The following ERC2 variants were observed in gnomAD, a reference collection of about 807,000 sequenced individuals.
ERC2 encodes ELKS/RAB6-interacting/CAST family member 2.
A neutral mutation model predicts 114.8 loss-of-function variants in ERC2; 42 were observed. The ratio of observed to expected loss-of-function variants is 0.37; its 90% CI spans 0.29 to 0.47. The LOEUF (loss-of-function observed/expected upper bound fraction) is 0.47. Among genes scored for constraint, ERC2 ranks in the 20% least tolerant of loss-of-function variants. ERC2 has a pLI of 0.99. For missense variants in ERC2, 939 were observed against 1,150.7 expected, an observed-to-expected ratio of 0.82 and a Z score of 2.66; for synonymous variants, 454 against 425.5, an observed-to-expected ratio of 1.07 and a Z score of -0.82.
At chr3:55,610,059 AC>A (rs2148560692) in intron 17 of ERC2, among the ~76,000 whole-genome samples, 1 of 84,834 alleles carries the variant, frequency 1.2e-5, no homozygotes, top group Non-Finnish European at 2.3e-5. Flanking sequence ...ACAAACAAAC[AC>A]AAACAAAAAA....
intron 3 of ERC2, among the ~76,000 whole-genome samples, chr3:56,229,987 T>C (rs1360727352): frequency 7.0e-6 from 1 of 143,422 alleles, no homozygotes; most frequent in Non-Finnish European, 1.5e-5. Flanking sequence ...TGCCTCAGCC[T>C]CCTGATTAGC....
chr3:56,078,127 G>C (rs1290110612), intron 7 of ERC2, among the ~76,000 whole-genome samples: 2 of 152,038 alleles, frequency 1.3e-5, no homozygotes, highest in Non-Finnish European at 2.9e-5. Context: ...TTGATTCAAG[G>C]GTCCTTAGTA....
chr3:55,566,954 G>C (rs907747242), intron 17 of ERC2, among the ~76,000 whole-genome samples: 1 of 152,198 alleles, frequency 6.6e-6, no homozygotes, highest in East Asian at 1.9e-4. Flanking sequence ...GCCTGCCTTG[G>C]CCTCCCAAAG....
At chr3:56,348,154 CT>C (rs1317139143) in intron 2 of ERC2, among the ~76,000 whole-genome samples, 1 of 152,208 alleles carries the variant, frequency 6.6e-6, no homozygotes, top group Non-Finnish European at 1.5e-5. Flanking sequence ...TCCTTCCCTT[CT>C]GTCTTGCTTC....
rs113864845 is a variant in ERC2 at position 56,182,210 on chromosome 3, GA to G, written c.1075-8691del. ...TTGTGTACTTTTCCTCCATGTCACT[GA>G]ACATGGCCACAATTTTACACTAATT... On this transcript the variant is annotated intron_variant, in intron 3 of 17. Coordinates refer to ENST00000288221, the MANE Select transcript of ERC2 (RefSeq NM_015576.3). Among the ~76,000 whole-genome samples the G allele has an allele frequency of 5.3e-3, 812 of 152,200 alleles. 6 individuals are homozygous for G. The highest frequency in any genetic ancestry group is 0.019 in the African/African-American group (780 of 41,526).
At chr3:55,753,536 T>C (rs1234763588) in intron 14 of ERC2, among the ~76,000 whole-genome samples, 1 of 152,174 alleles carries the variant, frequency 6.6e-6, no homozygotes, top group Non-Finnish European at 1.5e-5. Context: ...GATGGTGCAA[T>C]TGGATTCATT....
chr3:56,032,877 AAGAAAGAAAGAGAGAGAGAGAGAC>A (rs2074455942), intron 7 of ERC2, among the ~76,000 whole-genome samples: 11 of 120,688 alleles, frequency 9.1e-5, no homozygotes, highest in Non-Finnish European at 1.5e-4. Context: ...GAAAGAAAGA[AAGAAAGAAAGAGAGAGAGAGAGAC>A]AGAAAGAAAG....
intron 3 of ERC2, among the ~76,000 whole-genome samples, chr3:56,285,015 A>T (rs56402039): frequency 0.017 from 1,386 of 80,314 alleles, 25 homozygotes; most frequent in African/African-American, 0.046. Flanking sequence ...TCTCTCTCAC[A>T]CACACACACA....
intron 6 of ERC2, among the ~76,000 whole-genome samples, chr3:56,139,301 T>G (rs1361315251): frequency 6.6e-6 from 1 of 152,200 alleles, no homozygotes; most frequent in East Asian, 1.9e-4. Context: ...ATGTGTTTGT[T>G]TATGGGGTGT....
At chr3:55,746,684 G>A (rs1423903808) in intron 14 of ERC2, among the ~76,000 whole-genome samples, 3 of 152,258 alleles carry the variant, frequency 2.0e-5, no homozygotes, top group African/African-American at 7.2e-5. Context: ...ATGTCTGTGT[G>A]TGCTGCAGGT....
chr3:55,645,469 A>G (rs2060354797), intron 17 of ERC2, among the ~76,000 whole-genome samples: 1 of 152,190 alleles, frequency 6.6e-6, no homozygotes, highest in Admixed American at 6.5e-5. Flanking sequence ...TTTTTAATTG[A>G]TAACAAGTTA....
At chr3:55,738,228 T>C (rs572410144) in intron 14 of ERC2, among the ~76,000 whole-genome samples, 1 of 152,248 alleles carries the variant, frequency 6.6e-6, no homozygotes, top group East Asian at 1.9e-4. Context: ...TACAAATGTA[T>C]ATATATCCAA....
intron 2 of ERC2, among the ~76,000 whole-genome samples, chr3:56,318,665 A>T (rs1217425329): frequency 6.6e-6 from 1 of 152,096 alleles, no homozygotes; most frequent in East Asian, 1.9e-4. Flanking sequence ...TCTTCAAAAG[A>T]AAACATACAA....
At chr3:56,418,147 T>C (rs886545439) in intron 2 of ERC2, among the ~76,000 whole-genome samples, 4 of 151,708 alleles carry the variant, frequency 2.6e-5, no homozygotes, top group Non-Finnish European at 4.4e-5. Flanking sequence ...TTAATAAAAA[T>C]ATTAGGTGAG....
chr3:56,019,081 G>A, intron 7 of ERC2, 50 bp from the exon 8 acceptor site: 1 of 1,424,154 alleles, frequency 7.0e-7, no homozygotes, highest in Non-Finnish European at 9.5e-7. Context: ...CATATCCTAG[G>A]CCAAAATTCC....
At chr3:56,309,424 A>T (rs2056413029) in intron 2 of ERC2, among the ~76,000 whole-genome samples, 1 of 152,250 alleles carries the variant, frequency 6.6e-6, no homozygotes, top group Non-Finnish European at 1.5e-5. Flanking sequence ...ATTACAGACC[A>T]ATACTCTAAG....
intron 7 of ERC2, among the ~76,000 whole-genome samples, chr3:56,019,760 A>G (rs1266755279): frequency 6.6e-6 from 1 of 152,172 alleles, no homozygotes; most frequent in African/African-American, 2.4e-5. Flanking sequence ...AGCAGCAAGG[A>G]CTTTCTCCTG....
chr3:56,459,466 T>C (rs13088136), intron 1 of ERC2, among the ~76,000 whole-genome samples: 1 of 151,954 alleles, frequency 6.6e-6, no homozygotes, highest in African/African-American at 2.4e-5. Flanking sequence ...AATCACAGAA[T>C]GACAACTACC....
chr3:56,223,254 T>C, intron 3 of ERC2, among the ~76,000 whole-genome samples: 1 of 152,216 alleles, frequency 6.6e-6, no homozygotes, highest in East Asian at 1.9e-4. Flanking sequence ...TAAGTCAGTA[T>C]GAATGATCCC....
Sources: gnomAD v4.1 joint callset for allele counts (sites outside exome capture counted in the v4.1 genomes callset) on GRCh38, gnomAD v4.1.1 for gene constraint, MANE v1.5 for transcripts, NCBI Gene and HGNC (gene_info 2026-07-23, HGNC 2026-07-21) for gene names.